Variants in MIPOL1 observed in about 807,000 individuals in gnomAD.
The protein encoded by MIPOL1 is mirror-image polydactyly gene 1 protein.
In MIPOL1, 57 loss-of-function variants were observed where a neutral mutation model predicts 60.9. The observed-to-expected ratio is 0.94, with a 90% CI of 0.76 to 1.17. MIPOL1 has a LOEUF of 1.17. MIPOL1 is among the 50% of genes most tolerant of loss of function. MIPOL1 has a pLI of 0.00. For missense variants in MIPOL1, 551 were observed against 511.6 expected, an observed-to-expected ratio of 1.08 and a Z score of -0.74; for synonymous variants, 179 against 168.8, an observed-to-expected ratio of 1.06 and a Z score of -0.47.
chr14:37,518,124 A>T (rs2095384365), intron 12 of MIPOL1, among the ~76,000 whole-genome samples: 1 of 152,176 alleles, frequency 6.6e-6, no homozygotes, highest in Non-Finnish European at 1.5e-5. Context: ...TAAGAACAGA[A>T]ATACATGCAA....
intron 1 of MIPOL1, among the ~76,000 whole-genome samples, chr14:37,236,217 G>A (rs1041657516): frequency 2.6e-5 from 4 of 151,920 alleles, no homozygotes; most frequent in African/African-American, 9.7e-5. Flanking sequence ...CTAGGATTAC[G>A]CGCCTGGCCT....
intron 1 of MIPOL1, among the ~76,000 whole-genome samples, chr14:37,243,370 A>G (rs1192671679): frequency 1.3e-5 from 2 of 152,128 alleles, no homozygotes. Context: ...TCTTTTGTAT[A>G]ATAAGATGAA....
intron 3 of MIPOL1, among the ~76,000 whole-genome samples, chr14:37,257,013 G>C (rs773156675): frequency 6.6e-6 from 1 of 151,476 alleles, no homozygotes; most frequent in African/African-American, 2.4e-5. Flanking sequence ...TAGTTTAGCA[G>C]TTACAGTTGA....
At chr14:37,220,808 C>T (rs1968612492) in intron 1 of MIPOL1, among the ~76,000 whole-genome samples, 1 of 152,124 alleles carries the variant, frequency 6.6e-6, no homozygotes, top group African/African-American at 2.4e-5. Flanking sequence ...GAGAGTCTCC[C>T]TCTGTCCCCC....
At position 37,493,035 on chromosome 14, in the gene MIPOL1, A is replaced by G. The variant is rs542667983; in HGVS notation, c.1032-6873A>G. Among the ~76,000 whole-genome samples the G allele has an allele frequency of 1.1e-4, 17 of 152,338 alleles. 1 individual carries two copies. Among genetic ancestry groups the G allele is most frequent in the Middle Eastern group, 3.4e-3 (1 of 294 alleles). On this transcript the variant is annotated intron_variant, in intron 11 of 12. Transcript: ENST00000684589. ...CAATTAAAATAAATAGCATATATAC[A>G]ACACACTAATGATTGAGCAATTACT...
At chr14:37,355,452 C>T (rs1429499718) in intron 9 of MIPOL1, among the ~76,000 whole-genome samples, 1 of 150,842 alleles carries the variant, frequency 6.6e-6, no homozygotes, top group African/African-American at 2.4e-5. Flanking sequence ...GAACGTTGGC[C>T]TGCCTTGCTA....
intron 12 of MIPOL1, among the ~76,000 whole-genome samples, chr14:37,526,667 C>T (rs1638988612): frequency 6.6e-6 from 1 of 151,898 alleles, no homozygotes; most frequent in African/African-American, 2.4e-5. Flanking sequence ...AGGCGAGAGC[C>T]ACCGCACCTG....
At chr14:37,385,793 A>G (rs1381878569) in intron 10 of MIPOL1, 1 of 152,046 alleles carries the variant, frequency 6.6e-6, no homozygotes, top group Non-Finnish European at 1.5e-5. Flanking sequence ...TTTCCTGTGC[A>G]AATGTATTTT....
intron 9 of MIPOL1, among the ~76,000 whole-genome samples, chr14:37,355,864 A>G (rs1347989838): frequency 2.7e-5 from 4 of 149,666 alleles, no homozygotes; most frequent in Non-Finnish European, 4.5e-5. Context: ...GTCCTCCTGT[A>G]GCTCAGAGTA....
At chr14:37,530,135 A>T (rs2095470834) in intron 12 of MIPOL1, among the ~76,000 whole-genome samples, 1 of 152,186 alleles carries the variant, frequency 6.6e-6, no homozygotes, top group Admixed American at 6.5e-5. Flanking sequence ...GGGAGGAAGA[A>T]ATTCATATCA....
intron 1 of MIPOL1, among the ~76,000 whole-genome samples, chr14:37,235,929 AT>A (rs199777000): frequency 0.01 from 1,470 of 143,550 alleles, 18 homozygotes; most frequent in East Asian, 0.069. Context: ...AGTATTTTCA[AT>A]TTTTTTTTTT....
intron 3 of MIPOL1, among the ~76,000 whole-genome samples, chr14:37,254,230 T>C (rs2153367434): frequency 6.6e-6 from 1 of 151,894 alleles, no homozygotes; most frequent in Admixed American, 6.6e-5. Context: ...TTAAATACGA[T>C]TCTGGAATTC....
At chr14:37,380,343 C>T (rs2092892658) in intron 10 of MIPOL1, among the ~76,000 whole-genome samples, 1 of 152,110 alleles carries the variant, frequency 6.6e-6, no homozygotes, top group African/African-American at 2.4e-5. Context: ...AGACTCTCAG[C>T]TAGACCAGGT....
chr14:37,451,660 C>G (rs2094418401), intron 11 of MIPOL1, among the ~76,000 whole-genome samples: 1 of 151,910 alleles, frequency 6.6e-6, no homozygotes, highest in Non-Finnish European at 1.5e-5. Context: ...CATTGACATC[C>G]AATTGATTTT....
intron 3 of MIPOL1, among the ~76,000 whole-genome samples, chr14:37,249,654 T>C (rs185354973): frequency 1.6e-4 from 25 of 152,312 alleles, no homozygotes; most frequent in Middle Eastern, 3.4e-3. Flanking sequence ...GCGTATATTA[T>C]GTGACACTTA....
chr14:37,291,607 G>A (rs972642046), intron 7 of MIPOL1, among the ~76,000 whole-genome samples: 1 of 151,424 alleles, frequency 6.6e-6, no homozygotes, highest in Non-Finnish European at 1.5e-5. Flanking sequence ...TCTTTCCCTT[G>A]TGTCTTATTT....
chr14:37,524,565 C>CTTTTTTTTTTT (rs1173993657), intron 12 of MIPOL1, among the ~76,000 whole-genome samples: 2 of 124,848 alleles, frequency 1.6e-5, no homozygotes, highest in African/African-American at 6.2e-5. Context: ...TTTTCTTTTT[C>CTTTTTTTTTTT]TTTTCTTTTT....
intron 11 of MIPOL1, among the ~76,000 whole-genome samples, chr14:37,466,881 T>C (rs1397339787): frequency 6.6e-6 from 1 of 152,176 alleles, no homozygotes; most frequent in Non-Finnish European, 1.5e-5. Context: ...CAATATCAGA[T>C]CAGAATTGAT....
At position 37,285,336 on chromosome 14, in the gene MIPOL1, A is replaced by C; in HGVS notation, c.512A>C (p.Tyr171Ser). ...EKTAALVEEV[Y>S]FAQKERDEAV... The stretch of plus-strand genomic sequence containing the variant: ...TTGGTAGCTCTGGTTGAAGAAGTGT[A>C]TTTTGCGCAGAAGGAACGTGATGAA... Residue 171 changes from tyrosine (Y) to serine (S), a missense_variant, in exon 7 of 13, where the codon TAT (tyrosine) becomes TCT (serine). Physicochemically the swap from Tyr to Ser is moderately radical, Grantham distance 144. Coordinates refer to ENST00000684589, the MANE Select transcript of MIPOL1 (RefSeq NM_001388067.1). The C allele has an allele frequency of 6.2e-7, 1 of 1,613,952 alleles. No individual in the cohort carries two copies. Among genetic ancestry groups the C allele is most frequent in the Non-Finnish European group, 8.5e-7 (1 of 1,179,966 alleles).
Sources: gnomAD v4.1 joint callset for allele counts (sites outside exome capture counted in the v4.1 genomes callset) on GRCh38, gnomAD v4.1.1 for gene constraint, MANE v1.5 for transcripts, NCBI Gene and HGNC (gene_info 2026-07-23, HGNC 2026-07-21) for gene names.